The following RBFOX1 variants were observed in gnomAD, a reference collection of about 807,000 sequenced individuals.
RBFOX1 encodes RNA binding protein fox-1 homolog 1.
A neutral mutation model predicts 57.7 loss-of-function variants in RBFOX1; 8 were observed. The ratio of observed to expected loss-of-function variants is 0.14; its 90% CI spans 0.08 to 0.25. The LOEUF (loss-of-function observed/expected upper bound fraction) is 0.25, where lower values mean the gene tolerates loss of function less well. RBFOX1 is among the 10% of genes least tolerant of loss of function. The pLI, the probability that RBFOX1 is intolerant of heterozygous loss-of-function variation, is 1.00. For missense variants in RBFOX1, 611 were observed against 548.5 expected, an observed-to-expected ratio of 1.11 and a Z score of -1.14; for synonymous variants, 326 against 222.4, an observed-to-expected ratio of 1.47 and a Z score of -4.15.
chr16:5,408,223 C>T (rs550537647), intron 1 of RBFOX1, among the ~76,000 whole-genome samples: 17 of 152,268 alleles, frequency 1.1e-4, no homozygotes, highest in Non-Finnish European at 2.4e-4. Context: ...CTTGGCAAAA[C>T]CTCAGCTTAG....
At chr16:7,461,408 C>T (rs1174238907) in intron 4 of RBFOX1, among the ~76,000 whole-genome samples, 6 of 152,026 alleles carry the variant, frequency 3.9e-5, no homozygotes, top group East Asian at 1.9e-4. Context: ...CCTCGTGATC[C>T]GCTCACCTTA....
chr16:6,249,352 C>G (rs1047769626), intron 1 of RBFOX1, among the ~76,000 whole-genome samples: 2 of 151,972 alleles, frequency 1.3e-5, no homozygotes, highest in Admixed American at 6.6e-5. Flanking sequence ...TGGTGAAACC[C>G]CGTGTCTATT....
At chr16:7,041,252 T>C (rs1219484769) in intron 3 of RBFOX1, among the ~76,000 whole-genome samples, 1 of 151,942 alleles carries the variant, frequency 6.6e-6, no homozygotes, top group African/African-American at 2.4e-5. Context: ...AAAATTTTAT[T>C]GGAACACAGT....
chr16:6,058,605 C>G (rs1174504871), intron 1 of RBFOX1, among the ~76,000 whole-genome samples: 2 of 151,526 alleles, frequency 1.3e-5, no homozygotes, highest in African/African-American at 4.9e-5. Context: ...CACCCATCCA[C>G]CCATCCATCC....
intron 3 of RBFOX1, among the ~76,000 whole-genome samples, chr16:6,740,173 C>G (rs2071623315): frequency 6.6e-6 from 1 of 152,126 alleles, no homozygotes; most frequent in Non-Finnish European, 1.5e-5. Flanking sequence ...AAATCACATG[C>G]TCACATTAGC....
Position 6,184,622 on chromosome 16 carries a change from C to T in RBFOX1, c.-126-132373C>T, listed in dbSNP as rs534316413. 9.9e-5 allele frequency among the ~76,000 whole-genome samples: 15 copies of T among 152,202 alleles called. No individual in the cohort carries two copies. The South Asian group carries it at 1.0e-3, about 11-fold the overall frequency. ...TTGCCCAGGCTGGAGTGCAGTGGTGCGATCTCAGTTCACTGCAACCTCCGC... is the reference window on the plus strand; with the variant it reads ...TTGCCCAGGCTGGAGTGCAGTGGTGTGATCTCAGTTCACTGCAACCTCCGC... On this transcript the variant is annotated intron_variant, in intron 1 of 15. Transcript: ENST00000550418.
At chr16:5,915,426 A>G (rs969470683) in intron 4 of RBFOX1, among the ~76,000 whole-genome samples, 2 of 152,238 alleles carry the variant, frequency 1.3e-5, no homozygotes, top group African/African-American at 2.4e-5. Context: ...TCATTCATCC[A>G]TTCAATGAAC....
chr16:7,506,601 T>TCAC (rs1264171960), intron 4 of RBFOX1, among the ~76,000 whole-genome samples: 2 of 151,816 alleles, frequency 1.3e-5, no homozygotes, highest in Admixed American at 6.6e-5. Flanking sequence ...ATCATCATCA[T>TCAC]CATCACCACC....
chr16:6,640,940 CTG>C (rs2098482720), intron 2 of RBFOX1, among the ~76,000 whole-genome samples: 1 of 152,128 alleles, frequency 6.6e-6, no homozygotes, highest in African/African-American at 2.4e-5. Context: ...AAAATAATGA[CTG>C]TGGCAGCCAT....
At chr16:6,996,353 G>A (rs1172474748) in intron 3 of RBFOX1, among the ~76,000 whole-genome samples, 1 of 152,090 alleles carries the variant, frequency 6.6e-6, no homozygotes, top group Non-Finnish European at 1.5e-5. Flanking sequence ...TTTCTGTTCT[G>A]TGGTTTTGTG....
At chr16:6,848,971 T>A (rs2093917812) in intron 3 of RBFOX1, among the ~76,000 whole-genome samples, 1 of 152,298 alleles carries the variant, frequency 6.6e-6, no homozygotes, top group Non-Finnish European at 1.5e-5. Context: ...CACGCTTAAC[T>A]AGCAACTTGC....
chr16:5,760,764 A>T (rs533487266), intron 3 of RBFOX1, among the ~76,000 whole-genome samples: 70 of 152,366 alleles, frequency 4.6e-4, no homozygotes, highest in Admixed American at 9.1e-4. Flanking sequence ...CAAAAACCGC[A>T]GTTACTTTTG....
At chr16:6,961,361 C>G (rs1191657621) in intron 3 of RBFOX1, among the ~76,000 whole-genome samples, 2 of 152,102 alleles carry the variant, frequency 1.3e-5, no homozygotes, top group Non-Finnish European at 2.9e-5. Flanking sequence ...AGACCGTGTT[C>G]AAACTGTAGT....
At chr16:7,649,217 A>T (rs574022663) in intron 11 of RBFOX1, among the ~76,000 whole-genome samples, 10 of 151,544 alleles carry the variant, frequency 6.6e-5, no homozygotes, top group Admixed American at 2.6e-4. Context: ...TATATAGGAT[A>T]AAAAAAAATA....
chr16:5,919,588 C>T (rs909748485), intron 4 of RBFOX1, among the ~76,000 whole-genome samples: 4 of 152,180 alleles, frequency 2.6e-5, no homozygotes, highest in African/African-American at 4.8e-5. Flanking sequence ...AGGTGATCCG[C>T]ATGCCTCGGC....
intron 4 of RBFOX1, among the ~76,000 whole-genome samples, chr16:5,900,923 TTC>T (rs2058290927): frequency 6.6e-6 from 1 of 152,194 alleles, no homozygotes; most frequent in South Asian, 2.1e-4. Flanking sequence ...GAACAAATCT[TTC>T]CCTTGGGAGA....
rs151299742 is a variant in RBFOX1, at chr16:6,374,006, G to C, written c.-64+56949G>C. Among the ~76,000 whole-genome samples, 700 of 152,292 alleles carry C rather than the reference G, an allele frequency of 4.6e-3. 8 individuals are homozygous for C. The highest frequency in any genetic ancestry group is 0.016 in the African/African-American group (660 of 41,552). On this transcript the variant is annotated intron_variant, in intron 2 of 15. Transcript: ENST00000550418. ...TTCTTTGCATTCTCCATAGTGCTCA[G>C]CTTGGCGTAAATACAGATTTAATAT...
intron 2 of RBFOX1, among the ~76,000 whole-genome samples, chr16:6,427,625 C>G (rs2093967192): frequency 6.6e-6 from 1 of 152,094 alleles, no homozygotes; most frequent in Non-Finnish European, 1.5e-5. Context: ...GTGGAGCTGC[C>G]AAGTAAGGTG....
At chr16:6,047,208 G>A (rs1243492519) in intron 1 of RBFOX1, among the ~76,000 whole-genome samples, 2 of 152,216 alleles carry the variant, frequency 1.3e-5, no homozygotes, top group Non-Finnish European at 2.9e-5. Flanking sequence ...ACATGATGAT[G>A]TCAGTGTGTG....
Sources: allele counts gnomAD v4.1 joint callset (sites outside exome capture counted in the v4.1 genomes callset), GRCh38; gene constraint gnomAD v4.1.1; transcripts MANE v1.5; gene names NCBI Gene and HGNC (gene_info 2026-07-23, HGNC 2026-07-21).